The following LHFPL3 variants were observed in gnomAD, a reference collection of about 807,000 sequenced individuals.
The protein encoded by LHFPL3 is LHFPL tetraspan subfamily member 3 protein.
Under a neutral mutation model 19.3 loss-of-function variants are expected in LHFPL3, and 5 were observed. The observed-to-expected ratio is 0.26, with a 90% CI of 0.14 to 0.54. The LOEUF is 0.54. Ranked by LOEUF, LHFPL3 falls within the 20% of genes least tolerant of loss-of-function variation. The pLI is 0.94. For missense variants in LHFPL3, 249 were observed against 307.4 expected, an observed-to-expected ratio of 0.81 and a Z score of 1.42; for synonymous variants, 133 against 126.2, an observed-to-expected ratio of 1.05 and a Z score of -0.36.
At chr7:104,844,399 A>G (rs1335781321) in intron 2 of LHFPL3, among the ~76,000 whole-genome samples, 1 of 152,222 alleles carries the variant, frequency 6.6e-6, no homozygotes, top group Non-Finnish European at 1.5e-5. Context: ...GTGTGTGTAC[A>G]ATTGATTTTT....
chr7:104,468,441 C>G (rs754687730), intron 1 of LHFPL3, among the ~76,000 whole-genome samples: 10 of 152,146 alleles, frequency 6.6e-5, no homozygotes, highest in Non-Finnish European at 1.3e-4. Context: ...GTTGTCAGGT[C>G]ATTCCAAGGT....
chr7:104,362,527 G>A (rs1288194036), intron 1 of LHFPL3, among the ~76,000 whole-genome samples: 3 of 152,180 alleles, frequency 2.0e-5, no homozygotes, highest in African/African-American at 7.2e-5. Context: ...GTAAGTGTTA[G>A]GATGCTGATC....
chr7:104,826,803 C>G (rs1331035659), intron 2 of LHFPL3: 5 of 158,518 alleles, frequency 3.2e-5, no homozygotes, highest in Non-Finnish European at 5.6e-5. Flanking sequence ...CTAGAGCTCT[C>G]TCTACTTTGG....
intron 1 of LHFPL3, among the ~76,000 whole-genome samples, chr7:104,539,926 TG>T (rs941099301): frequency 2.0e-5 from 3 of 152,146 alleles, no homozygotes; most frequent in African/African-American, 7.2e-5. Flanking sequence ...TTTGTGTGGG[TG>T]TGATAGGATG....
intron 2 of LHFPL3, among the ~76,000 whole-genome samples, chr7:104,848,316 G>A (rs1584573811): frequency 6.6e-6 from 1 of 152,280 alleles, no homozygotes; most frequent in East Asian, 1.9e-4. Context: ...AACTATCACT[G>A]CCCTGGTGTT....
In LHFPL3 at chr7:104,903,685, C is replaced by T. The variant is rs537488335; in HGVS notation, c.683-2502C>T. ...TTCGCCATATTGACCAGGCTGGTCT[C>T]GAACTCCTGACCTCAAGTGATCTGC... On this transcript the variant is annotated intron_variant, in intron 2 of 2. Transcript: ENST00000424859. 1.7e-3 allele frequency among the ~76,000 whole-genome samples: 255 copies of T among 152,140 alleles called. 2 individuals are homozygous for T. The highest frequency in any genetic ancestry group is 3.0e-3 in the Admixed American group (46 of 15,274).
intron 1 of LHFPL3, among the ~76,000 whole-genome samples, chr7:104,640,512 G>A (rs886771730): frequency 3.9e-5 from 6 of 151,942 alleles, no homozygotes; most frequent in Non-Finnish European, 5.9e-5. Flanking sequence ...TGCTTTATCC[G>A]GTCTATCATT....
intron 1 of LHFPL3, among the ~76,000 whole-genome samples, chr7:104,463,753 G>A (rs1357874125): frequency 1.3e-5 from 2 of 152,202 alleles, no homozygotes; most frequent in African/African-American, 4.8e-5. Context: ...CTGTCTCCAT[G>A]ATTCAATTAC....
intron 1 of LHFPL3, among the ~76,000 whole-genome samples, chr7:104,452,974 T>C (rs1792468801): frequency 6.6e-6 from 1 of 152,164 alleles, no homozygotes; most frequent in African/African-American, 2.4e-5. Flanking sequence ...CTGATCCCAG[T>C]CATGTAAAAG....
At chr7:104,574,978 G>A (rs1178823304) in intron 1 of LHFPL3, among the ~76,000 whole-genome samples, 1 of 152,148 alleles carries the variant, frequency 6.6e-6, no homozygotes, top group Admixed American at 6.5e-5. Flanking sequence ...TAATCCATGA[G>A]AGTTTCACTA....
intron 1 of LHFPL3, among the ~76,000 whole-genome samples, chr7:104,495,387 T>G (rs528942889): frequency 6.6e-6 from 1 of 151,638 alleles, no homozygotes; most frequent in Non-Finnish European, 1.5e-5. Flanking sequence ...AAAAAAAAAA[T>G]TTTTTTTCTT....
In LHFPL3 at chr7:104,867,149, A is replaced by C. The variant is rs983162775; in HGVS notation, c.683-39038A>C. On this transcript the variant is annotated intron_variant, in intron 2 of 2. Coordinates refer to ENST00000424859, the MANE Select transcript of LHFPL3 (RefSeq NM_199000.3). ...GGAAAGATCTAAAATTGACACCCTA[A>C]CATCACAATTAAAAGAACTAGAGAA... 9.9e-5 allele frequency among the ~76,000 whole-genome samples: 15 copies of C among 152,220 alleles called. 1 individual carries two copies. Among genetic ancestry groups the C allele is most frequent in the Admixed American group, 3.3e-4 (5 of 15,288 alleles).
rs1366382312 is a variant in LHFPL3 at position 104,650,828 on chromosome 7, G to A, written c.446-85847G>A. Among the ~76,000 whole-genome samples the A allele has an allele frequency of 2.0e-5, 3 of 152,124 alleles. No individual in the cohort carries two copies. In the East Asian group the frequency reaches 5.8e-4, roughly 29 times the overall value. The stretch of plus-strand genomic sequence containing the variant: ...GGAAACAGGCCATTAAAGCAAAATG[G>A]ACAACCGCTTATGGTGACTCAAAAT... On this transcript the variant is annotated intron_variant, in intron 1 of 2. Transcript: ENST00000424859.
At chr7:104,868,654 G>C (rs554437253) in intron 2 of LHFPL3, among the ~76,000 whole-genome samples, 66 of 152,130 alleles carry the variant, frequency 4.3e-4, no homozygotes, top group Admixed American at 4.3e-3. Context: ...TACTGCCCAA[G>C]GTAATTTATA....
chr7:104,420,855 C>G (rs1457599271), intron 1 of LHFPL3, among the ~76,000 whole-genome samples: 1 of 151,950 alleles, frequency 6.6e-6, no homozygotes, highest in Non-Finnish European at 1.5e-5. Flanking sequence ...AGCCACCGCG[C>G]CCGGCCCCCC....
intron 1 of LHFPL3, among the ~76,000 whole-genome samples, chr7:104,442,681 A>G (rs935548378): frequency 6.6e-6 from 1 of 152,166 alleles, no homozygotes; most frequent in Non-Finnish European, 1.5e-5. Flanking sequence ...TGACCAGGCA[A>G]TGTTTAGTTA....
At chr7:104,836,878 C>G (rs1038117314) in intron 2 of LHFPL3, among the ~76,000 whole-genome samples, 6 of 152,076 alleles carry the variant, frequency 3.9e-5, no homozygotes, top group African/African-American at 1.4e-4. Flanking sequence ...TTATCTCTGA[C>G]GACAAATGAA....
At position 104,328,839 on chromosome 7, in the gene LHFPL3, G is replaced by A. The variant is rs548518760; in HGVS notation, c.60G>A (p.Glu20=). Residue 20 remains glutamate (E), a synonymous_variant, in exon 1 of 3, where the codon GAG becomes GAA. Transcript: ENST00000424859. This position sits in a 1 kb window ranked among gnomAD's most constrained non-coding sequence, Gnocchi z 4.6. ...AAAAAMLPAQ[E]AAKLYHTNYV... Reference sequence around the variant, plus strand: ...CCGCCGCGATGCTCCCGGCTCAGGAGGCTGCCAAGCTGTACCACACCAACT... The same window carrying A: ...CCGCCGCGATGCTCCCGGCTCAGGAAGCTGCCAAGCTGTACCACACCAACT... The A allele has an allele frequency of 1.2e-6, 2 of 1,613,886 alleles. No homozygotes were observed. The highest frequency in any genetic ancestry group is 8.5e-7 in the Non-Finnish European group (1 of 1,179,906).
chr7:104,381,745 C>G (rs1353490556), intron 1 of LHFPL3, among the ~76,000 whole-genome samples: 1 of 152,148 alleles, frequency 6.6e-6, no homozygotes, highest in Non-Finnish European at 1.5e-5. Flanking sequence ...CTCTAATCAT[C>G]CATTTACATT....
Sources: allele counts gnomAD v4.1 joint callset (sites outside exome capture counted in the v4.1 genomes callset), GRCh38; gene constraint gnomAD v4.1.1; non-coding constraint Gnocchi (gnomAD v3.1); transcripts MANE v1.5; gene names NCBI Gene and HGNC (gene_info 2026-07-23, HGNC 2026-07-21).